The following NBAS variants were observed in gnomAD, a reference collection of about 807,000 sequenced individuals.
NBAS encodes NBAS subunit of NRZ tethering complex.
A neutral mutation model predicts 302.5 loss-of-function variants in NBAS; 219 were observed. The observed-to-expected ratio is 0.72, with a 90% confidence interval of 0.65 to 0.81. The LOEUF (loss-of-function observed/expected upper bound fraction) is 0.81. Among genes scored for constraint, NBAS ranks in the 30% least tolerant of loss-of-function variants. NBAS has a pLI of 0.00. For synonymous variants in NBAS, 1,118 were observed against 1,021.6 expected (o/e 1.09, Z -1.80); for missense variants, 2,932 against 2,841.6 (o/e 1.03, Z -0.72).
intron 48 of NBAS, among the ~76,000 whole-genome samples, chr2:15,193,271 CTT>C (rs1052727093): frequency 1.3e-5 from 2 of 152,094 alleles, no homozygotes; most frequent in African/African-American, 4.8e-5. Flanking sequence ...AATACAGTAA[CTT>C]ACATACTTAT....
chr2:15,284,427 T>C (rs1057077969), intron 42 of NBAS, among the ~76,000 whole-genome samples: 1 of 152,220 alleles, frequency 6.6e-6, no homozygotes, highest in Non-Finnish European at 1.5e-5. Flanking sequence ...TTGATCTAGC[T>C]ATTTTGATTT....
the NBAS span, among the ~76,000 whole-genome samples, chr2:14,828,413 G>T: frequency 6.6e-6 from 1 of 152,132 alleles, no homozygotes; most frequent in Admixed American, 6.5e-5. Context: ...GAGGAAACAG[G>T]AAGTGCAAAG....
chr2:14,864,891 G>T, the NBAS span, among the ~76,000 whole-genome samples: 8 of 152,166 alleles, frequency 5.3e-5, no homozygotes, highest in Non-Finnish European at 7.4e-5. Flanking sequence ...AAAAGTGTTA[G>T]CTTGTATTAT....
chr2:15,402,155 T>G lies in NBAS; in HGVS notation c.3071+13A>C. ...AAAAAACACAATAAGACTGGCATAC[T>G]GTGTATTCTTACCCATATCCTCTTT... On this transcript the variant is annotated intron_variant, in intron 26 of 51. Coordinates refer to ENST00000281513, the MANE Select transcript of NBAS (RefSeq NM_015909.4). 2 of 1,613,372 alleles carry G rather than the reference T, an allele frequency of 1.2e-6. No homozygotes were observed. Among genetic ancestry groups the G allele is most frequent in the Non-Finnish European group, 1.7e-6 (2 of 1,179,464 alleles).
chr2:15,098,354 G>GTATACT, the NBAS span, among the ~76,000 whole-genome samples: 1 of 6,208 alleles, frequency 1.6e-4, no homozygotes, highest in Non-Finnish European at 2.3e-4. Context: ...TATAATATAT[G>GTATACT]ATATATTGTA....
the NBAS span, among the ~76,000 whole-genome samples, chr2:14,902,814 A>C: frequency 6.6e-6 from 1 of 152,232 alleles, no homozygotes; most frequent in Non-Finnish European, 1.5e-5. Flanking sequence ...TCTCAAAGCC[A>C]GAAAGTCTGA....
the NBAS span, among the ~76,000 whole-genome samples, chr2:14,855,196 G>A: frequency 6.6e-6 from 1 of 151,868 alleles, no homozygotes; most frequent in African/African-American, 2.4e-5. Context: ...TGCCTTGAAG[G>A]AAAGGACCCG....
chr2:15,457,049 G>T (rs1167892067), intron 21 of NBAS, among the ~76,000 whole-genome samples: 2 of 152,082 alleles, frequency 1.3e-5, no homozygotes, highest in African/African-American at 2.4e-5. Context: ...ATGGGAGAAG[G>T]GCACACTAAA....
At chr2:15,022,138 G>A in the NBAS span, among the ~76,000 whole-genome samples, 6,984 of 152,142 alleles carry the variant, frequency 0.046, 351 homozygotes, top group East Asian at 0.1. Context: ...GAAAAGGGGC[G>A]TCCTGGTCCT....
chr2:14,824,092 A>T, the NBAS span, among the ~76,000 whole-genome samples: 3 of 152,148 alleles, frequency 2.0e-5, no homozygotes, highest in African/African-American at 7.2e-5. Flanking sequence ...GCAGCATCTC[A>T]TTCCACTCTC....
chr2:14,783,247 G>C, the NBAS span, among the ~76,000 whole-genome samples: 72 of 152,172 alleles, frequency 4.7e-4, no homozygotes, highest in African/African-American at 1.7e-3. Context: ...TGGAAAATGT[G>C]GTTGACCTAA....
the NBAS span, among the ~76,000 whole-genome samples, chr2:14,846,574 TAGAA>T: frequency 2.6e-5 from 4 of 152,004 alleles, no homozygotes; most frequent in Non-Finnish European, 4.4e-5. Context: ...TATTTTTAAA[TAGAA>T]AGACTAAAAG....
At chr2:15,217,288 T>G (rs910450762) in intron 48 of NBAS, among the ~76,000 whole-genome samples, 9 of 152,240 alleles carry the variant, frequency 5.9e-5, no homozygotes, top group African/African-American at 2.2e-4. Flanking sequence ...TTGACAAGAA[T>G]AGAGAATCTT....
chr2:15,257,506 C>T (rs1462378792), intron 44 of NBAS, among the ~76,000 whole-genome samples: 2 of 151,696 alleles, frequency 1.3e-5, no homozygotes, highest in Non-Finnish European at 2.9e-5. Flanking sequence ...GATTCTCCTG[C>T]CTCAGCCTCC....
intron 39 of NBAS, 139 bp downstream of exon 39, chr2:15,309,028 CATAA>C (rs34023135): frequency 9.0e-4 from 317 of 352,072 alleles, no homozygotes; most frequent in Middle Eastern, 3.1e-3. Context: ...ATAATAAATA[CATAA>C]ATAAATAAAT....
chr2:15,312,537 A>G (rs1049364817), intron 38 of NBAS, among the ~76,000 whole-genome samples: 1 of 152,066 alleles, frequency 6.6e-6, no homozygotes. Flanking sequence ...TCGAATTCCC[A>G]AAGTGCTGGT....
chr2:15,327,907 G>A (rs1254436083), intron 37 of NBAS, 37 bp from the exon 38 acceptor site: 10 of 1,612,106 alleles, frequency 6.2e-6, no homozygotes, highest in Non-Finnish European at 6.8e-6. Flanking sequence ...CTAGTAGGGT[G>A]CCTTTTGTCC....
chr2:15,561,026 C>T (rs1664891225), intron 1 of NBAS, among the ~76,000 whole-genome samples, 162 bp downstream of exon 1: 1 of 151,014 alleles, frequency 6.6e-6, no homozygotes, highest in African/African-American at 2.4e-5. Flanking sequence ...CGCCCTAGAC[C>T]CCCGCTAGCC....
intron 11 of NBAS, among the ~76,000 whole-genome samples, chr2:15,498,326 G>C (rs1681146758): frequency 6.6e-6 from 1 of 152,078 alleles, no homozygotes; most frequent in African/African-American, 2.4e-5. Flanking sequence ...TTTGAGTTGT[G>C]AAGTTTAACA....
Sources: gnomAD v4.1 joint callset for allele counts (sites outside exome capture counted in the v4.1 genomes callset) on GRCh38, gnomAD v4.1.1 for gene constraint, MANE v1.5 for transcripts, NCBI Gene and HGNC (gene_info 2026-07-23, HGNC 2026-07-21) for gene names.